GPHN: variants seen among roughly 807,000 people sequenced by gnomAD.
GPHN encodes gephyrin.
A neutral mutation model predicts 95.5 loss-of-function variants in GPHN; 17 were observed. The ratio of observed to expected loss-of-function variants is 0.18; its 90% CI spans 0.12 to 0.27. GPHN has a LOEUF of 0.27. Among genes scored for constraint, GPHN ranks in the 10% least tolerant of loss-of-function variants. The pLI is 1.00. For missense variants in GPHN, 660 were observed against 978.1 expected, an observed-to-expected ratio of 0.67 and a Z score of 4.34; for synonymous variants, 320 against 322.5, an observed-to-expected ratio of 0.99 and a Z score of 0.08.
At chr14:67,492,955 G>C in the GPHN span, among the ~76,000 whole-genome samples, 2 of 152,176 alleles carry the variant, frequency 1.3e-5, no homozygotes, top group Non-Finnish European at 2.9e-5. Flanking sequence ...CATGAAGATG[G>C]GGAAGGCCAG....
At chr14:67,118,238 G>A (rs2078803689) in intron 16 of GPHN, among the ~76,000 whole-genome samples, 1 of 152,136 alleles carries the variant, frequency 6.6e-6, no homozygotes, top group South Asian at 2.1e-4. Context: ...TGAGAAGTCT[G>A]GCTTAAATAG....
At chr14:67,267,235 A>G in the GPHN span, among the ~76,000 whole-genome samples, 1 of 152,150 alleles carries the variant, frequency 6.6e-6, no homozygotes, top group East Asian at 1.9e-4. Flanking sequence ...AATAGGTATA[A>G]CTTCAATTAA....
chr14:67,339,373 A>G, the GPHN span, among the ~76,000 whole-genome samples: 3 of 152,088 alleles, frequency 2.0e-5, no homozygotes, highest in Non-Finnish European at 4.4e-5. Context: ...CATTTTTTTA[A>G]AATTTTGGCT....
chr14:66,804,491 G>A (rs948206383), intron 3 of GPHN, among the ~76,000 whole-genome samples: 9 of 152,138 alleles, frequency 5.9e-5, no homozygotes, highest in African/African-American at 2.2e-4. Flanking sequence ...TATACCACCA[G>A]AATCTACAAT....
intron 8 of GPHN, among the ~76,000 whole-genome samples, chr14:66,944,197 G>A (rs1384568466): frequency 1.3e-5 from 2 of 152,154 alleles, no homozygotes; most frequent in Non-Finnish European, 2.9e-5. Flanking sequence ...GATGCCAAGT[G>A]GCCAATATTT....
At chr14:66,831,181 T>G (rs1355027186) in intron 4 of GPHN, among the ~76,000 whole-genome samples, 2 of 152,074 alleles carry the variant, frequency 1.3e-5, no homozygotes, top group African/African-American at 2.4e-5. Flanking sequence ...CAGAAAACAC[T>G]CTCCTACATT....
At chr14:66,513,185 G>A (rs117171895) in intron 1 of GPHN, among the ~76,000 whole-genome samples, 2,027 of 151,772 alleles carry the variant, frequency 0.013, 23 homozygotes, top group Middle Eastern at 0.02. Flanking sequence ...ACTTGAAAAA[G>A]TATTAGTTGC....
the GPHN span, among the ~76,000 whole-genome samples, chr14:67,399,471 G>T: frequency 6.8e-6 from 1 of 147,408 alleles, no homozygotes; most frequent in Non-Finnish European, 1.5e-5. Context: ...AAAGAGAAGG[G>T]TAGTTTAGGT....
chr14:67,677,618 G>C, the GPHN span: 1 of 151,702 alleles, frequency 6.6e-6, no homozygotes, highest in Non-Finnish European at 1.5e-5. Context: ...TTGGTGGGTA[G>C]TTACCAACAT....
the GPHN span, chr14:67,726,175 TA>T: frequency 7.0e-7 from 1 of 1,420,124 alleles, no homozygotes; most frequent in Non-Finnish European, 1.0e-6. Context: ...TTTGGGTGAC[TA>T]AAAAATGAGG....
chr14:66,833,221 GT>G (rs2061648780), intron 4 of GPHN, among the ~76,000 whole-genome samples: 1 of 152,176 alleles, frequency 6.6e-6, no homozygotes, highest in Admixed American at 6.6e-5. Flanking sequence ...CATGGTGGAA[GT>G]TGAAGCAAAC....
At chr14:66,576,484 C>CT (rs5809319) in intron 1 of GPHN, among the ~76,000 whole-genome samples, 38,205 of 149,440 alleles carry the variant, frequency 0.26, 7,366 homozygotes, top group African/African-American at 0.54. Flanking sequence ...CCTCTCTGTA[C>CT]TTTTTTTTTT....
chr14:66,964,439 G>C (rs1163669221), intron 8 of GPHN, among the ~76,000 whole-genome samples: 1 of 152,146 alleles, frequency 6.6e-6, no homozygotes, highest in African/African-American at 2.4e-5. Flanking sequence ...ATTGAGGAGA[G>C]TTCAATAAGA....
chr14:66,982,391 T>C (rs1162288646), intron 9 of GPHN, among the ~76,000 whole-genome samples: 1 of 152,190 alleles, frequency 6.6e-6, no homozygotes, highest in Non-Finnish European at 1.5e-5. Context: ...AAAGTCATTT[T>C]ACTACAGGCC....
At chr14:67,372,163 T>C in the GPHN span, among the ~76,000 whole-genome samples, 1 of 152,236 alleles carries the variant, frequency 6.6e-6, no homozygotes. Flanking sequence ...TGCTTTTATA[T>C]GATCAGTTAA....
chr14:67,273,793 G>GA, the GPHN span, among the ~76,000 whole-genome samples: 1 of 152,022 alleles, frequency 6.6e-6, no homozygotes, highest in Non-Finnish European at 1.5e-5. Flanking sequence ...TGTTGTTTCC[G>GA]ACTTTTTAAT....
the GPHN span, chr14:67,254,348 A>T: frequency 1.3e-5 from 2 of 151,928 alleles, no homozygotes; most frequent in African/African-American, 4.8e-5. Context: ...TTAGATTTGC[A>T]GTATAGTTAT....
At chr14:67,041,882 G>T (rs1246934419) in intron 10 of GPHN, among the ~76,000 whole-genome samples, 2 of 152,076 alleles carry the variant, frequency 1.3e-5, no homozygotes, top group Non-Finnish European at 2.9e-5. Flanking sequence ...AGCATCTGTT[G>T]TTTCCTGACG....
At chr14:67,298,974 G>A in the GPHN span, among the ~76,000 whole-genome samples, 3 of 152,266 alleles carry the variant, frequency 2.0e-5, no homozygotes, top group Admixed American at 6.5e-5. Context: ...TAATGTTTTT[G>A]AGATTCATCC....
Sources: gnomAD v4.1 joint callset for allele counts (sites outside exome capture counted in the v4.1 genomes callset) on GRCh38, gnomAD v4.1.1 for gene constraint, MANE v1.5 for transcripts, NCBI Gene and HGNC (gene_info 2026-07-23, HGNC 2026-07-21) for gene names.